WDFY4: variants seen among roughly 807,000 people sequenced by gnomAD.
The protein encoded by WDFY4 is WDFY family member 4.
In WDFY4, 169 loss-of-function variants were observed where a neutral mutation model predicts 351.9. That is an observed-to-expected ratio of 0.48 (90% CI 0.42 to 0.55). The LOEUF (loss-of-function observed/expected upper bound fraction) is 0.55. Among genes scored for constraint, WDFY4 ranks in the 20% least tolerant of loss-of-function variants. The pLI, the probability that WDFY4 is intolerant of heterozygous loss-of-function variation, is 0.00. For synonymous variants in WDFY4, 1,622 were observed against 1,574.6 expected (o/e 1.03, Z -0.71); for missense variants, 3,803 against 3,935.6 (o/e 0.97, Z 0.90).
At chr10:48,749,748 G>A (rs560540410) in intron 12 of WDFY4, among the ~76,000 whole-genome samples, 34 of 152,236 alleles carry the variant, frequency 2.2e-4, no homozygotes, top group Non-Finnish European at 4.3e-4. Flanking sequence ...GTGGCATCAT[G>A]GGGTTATGGG....
Position 48,780,096 on chromosome 10 carries a change from GGACAGGTCATTGGC to G in WDFY4, c.3554_3567del (p.Gly1185ValfsTer52). ...TTGTACAGTTTCCACCTGTCTGGATGGACAGGTCATTGGCTCTGCCAAGGTGAGATGGCTCCTCC... is the reference window on the plus strand; with the variant it reads ...TTGTACAGTTTCCACCTGTCTGGATGTCTGCCAAGGTGAGATGGCTCCTCC... On this transcript the variant is annotated frameshift_variant, in exon 19 of 62. Coordinates refer to ENST00000325239, the MANE Select transcript of WDFY4 (RefSeq NM_001394531.1). LOFTEE classifies it high-confidence loss of function. 2 of 1,552,048 alleles carry G rather than the reference GGACAGGTCATTGGC, an allele frequency of 1.3e-6. No individual in the cohort carries two copies. Among genetic ancestry groups the G allele is most frequent in the Non-Finnish European group, 1.7e-6 (2 of 1,147,050 alleles).
In WDFY4 at chr10:48,790,029, T is replaced by C. The variant is rs1358035383; in HGVS notation, c.4066+44T>C. ...CTTTGCCGCTATTTGGGAAGCAGGG[T>C]TTGTGCTGTCATGGCTTGTGCACCC... On this transcript the variant is annotated intron_variant, in intron 22 of 61. Coordinates refer to ENST00000325239, the MANE Select transcript of WDFY4 (RefSeq NM_001394531.1). 3 of 1,537,490 alleles carry C rather than the reference T, an allele frequency of 2.0e-6. No homozygotes were observed. In the Admixed American group the frequency reaches 5.9e-5, roughly 30 times the overall value.
chr10:48,765,472 C>T (rs2065639485), intron 13 of WDFY4, among the ~76,000 whole-genome samples: 1 of 152,206 alleles, frequency 6.6e-6, no homozygotes, highest in Admixed American at 6.5e-5. Flanking sequence ...GCATGGTGAG[C>T]AGAACATGCA....
chr10:48,876,896 A>T, intron 42 of WDFY4, 137 bp from the exon 43 acceptor site: 1 of 826,766 alleles, frequency 1.2e-6, no homozygotes, highest in Non-Finnish European at 1.7e-6. Flanking sequence ...GTGGAGGGGC[A>T]CAGTGAGAGA....
chr10:48,884,663 A>G (rs1486016810), intron 43 of WDFY4, among the ~76,000 whole-genome samples: 3 of 152,026 alleles, frequency 2.0e-5, no homozygotes, highest in Admixed American at 2.0e-4. Flanking sequence ...ATACAGAACT[A>G]CCTATAATTT....
chr10:48,776,639 CTG>C (rs2066039394), intron 15 of WDFY4, 109 bp from the exon 16 acceptor site: 1 of 1,079,632 alleles, frequency 9.3e-7, no homozygotes, highest in African/African-American at 1.6e-5. Flanking sequence ...TACCTGGTGA[CTG>C]TGCGAAACTC....
At chr10:48,870,957 G>A (rs1329339447) in intron 40 of WDFY4, among the ~76,000 whole-genome samples, 11 of 150,984 alleles carry the variant, frequency 7.3e-5, no homozygotes, top group East Asian at 1.9e-4. Flanking sequence ...TTTTTTTGAT[G>A]GAGGCTCGCT....
chr10:48,703,057 C>T (rs1272828734), intron 1 of WDFY4, among the ~76,000 whole-genome samples: 4 of 152,218 alleles, frequency 2.6e-5, no homozygotes, highest in African/African-American at 9.6e-5. Context: ...CTGTCTCTCT[C>T]CTCTTTTTAA....
chr10:48,728,306 G>C (rs142422437), intron 7 of WDFY4, among the ~76,000 whole-genome samples: 2 of 152,338 alleles, frequency 1.3e-5, no homozygotes, highest in African/African-American at 4.8e-5. Context: ...AGCAGGGCCT[G>C]GGCTGGCTCC....
intron 13 of WDFY4, among the ~76,000 whole-genome samples, chr10:48,767,110 A>G (rs1261734789): frequency 6.6e-6 from 1 of 152,236 alleles, no homozygotes; most frequent in Non-Finnish European, 1.5e-5. Context: ...TATCAAAATC[A>G]TGAGCCTTGG....
intron 37 of WDFY4, among the ~76,000 whole-genome samples, chr10:48,829,723 G>C (rs755668183): frequency 1.3e-5 from 2 of 152,128 alleles, no homozygotes; most frequent in African/African-American, 4.8e-5. Flanking sequence ...ATAGTGGCGG[G>C]CACCTGTAAT....
rs988395853 is a variant in WDFY4, at chr10:48,709,523, T to C, written c.-17-193T>C. On this transcript the variant is annotated intron_variant, in intron 1 of 61. Transcript: ENST00000325239. ...ACAGTGCTGGGCACACACTAGATTG[T>C]GAACTTGTATTAATCACATCTAAAT... is the stretch of plus-strand genomic sequence containing the variant. Among the ~76,000 whole-genome samples the C allele has an allele frequency of 3.3e-5, 5 of 152,236 alleles. No homozygotes were observed. In the East Asian group the frequency reaches 9.6e-4, roughly 29 times the overall value.
intron 5 of WDFY4, among the ~76,000 whole-genome samples, chr10:48,724,135 G>A (rs2064184382): frequency 6.6e-6 from 1 of 152,100 alleles, no homozygotes; most frequent in African/African-American, 2.4e-5. Flanking sequence ...CTCACCTTCT[G>A]AGACTCTGAG....
Position 48,822,475 on chromosome 10 carries a change from A to G in WDFY4, c.5920A>G (p.Ser1974Gly). The G allele has an allele frequency of 6.4e-7, 1 of 1,551,008 alleles. No individual in the cohort carries two copies. Among genetic ancestry groups the G allele is most frequent in the Admixed American group, 2.0e-5 (1 of 50,920 alleles). The part of the protein sequence containing the change: ...FTQKLVEKLY[S>G]GMFSADPRHI... Reference sequence around the variant, plus strand: ...CCAGAAGCTGGTGGAGAAGCTGTACAGTGGGATGTTCTCGGCAGACCCCAG... The same window carrying G: ...CCAGAAGCTGGTGGAGAAGCTGTACGGTGGGATGTTCTCGGCAGACCCCAG... Residue 1974 changes from serine (S) to glycine (G), a missense_variant, in exon 35 of 62, where the codon AGT becomes GGT. Physicochemically the swap from Ser to Gly is moderately conservative, Grantham distance 56. Transcript: ENST00000325239.
chr10:48,840,074 A>G (rs2068543738), intron 39 of WDFY4, among the ~76,000 whole-genome samples: 3 of 152,222 alleles, frequency 2.0e-5, no homozygotes, highest in Non-Finnish European at 4.4e-5. Context: ...TGCTCTGATT[A>G]TGGTGGTATT....
rs1408806887 is a variant in WDFY4 at position 48,731,314 on chromosome 10, A to G, written c.1334A>G (p.Gln445Arg). 6.4e-6 allele frequency: 10 copies of G among 1,551,750 alleles called. No homozygotes were observed. Among genetic ancestry groups the G allele is most frequent in the Non-Finnish European group, 8.7e-6 (10 of 1,147,014 alleles). ...ATGCCCCTGAAGCCGGCCCCAGTGC[A>G]GGAACACTTCTTCCAGCTTCTAGAG... ...EIMPLKPAPVQEHFFQLLEAL... is the reference protein window; with the variant it reads ...EIMPLKPAPVREHFFQLLEAL... Residue 445 changes from glutamine (Q) to arginine (R), a missense_variant, in exon 9 of 62, where the codon CAG becomes CGG. Physicochemically the swap from Gln to Arg is conservative, Grantham distance 43 (BLOSUM62 1). Around this residue, in one of 3 missense-constraint regions of WDFY4, gnomAD observed 261 missense variants for 330.2 expected, o/e 0.79. Coordinates refer to ENST00000325239, the MANE Select transcript of WDFY4 (RefSeq NM_001394531.1).
rs1473150238 is a variant in WDFY4, at chr10:48,720,107, C to T, written c.331C>T (p.Leu111Phe). 1 of 1,551,842 alleles carries T rather than the reference C, an allele frequency of 6.4e-7. No individual in the cohort carries two copies. The highest frequency in any genetic ancestry group is 1.4e-5 in the African/African-American group (1 of 73,172). ...GCTTGCCCAGCAACTCCAGAAGGCC[C>T]TTGTGGGGAAGCCTGCGGGTAAGAG... is the stretch of plus-strand genomic sequence containing the variant. Reference protein sequence around the residue: ...DQLAQQLQKALVGKPAEQARL... With the variant: ...DQLAQQLQKAFVGKPAEQARL... Residue 111 changes from leucine to phenylalanine, a missense_variant, in exon 3 of 62, where the codon CTT becomes TTT. Transcript: ENST00000325239.
intron 40 of WDFY4, among the ~76,000 whole-genome samples, chr10:48,869,226 G>A (rs2069666693): frequency 6.6e-6 from 1 of 152,168 alleles, no homozygotes; most frequent in Admixed American, 6.5e-5. Flanking sequence ...AGAAAAGTCA[G>A]GTCCAAACTC....
chr10:48,937,879 T>A (rs1029213611), intron 47 of WDFY4, among the ~76,000 whole-genome samples: 1 of 151,070 alleles, frequency 6.6e-6, no homozygotes, highest in Non-Finnish European at 1.5e-5. Flanking sequence ...AGAGAGGGAG[T>A]GTGTTTGGCT....
Sources: gnomAD v4.1 joint callset for allele counts (sites outside exome capture counted in the v4.1 genomes callset) on GRCh38, gnomAD v4.1.1 for gene constraint, gnomAD v4.1.1 regional missense constraint, MANE v1.5 for transcripts, NCBI Gene and HGNC (gene_info 2026-07-23, HGNC 2026-07-21) for gene names.